The following CTNNA2 variants were observed in gnomAD, a reference collection of about 807,000 sequenced individuals.
The protein encoded by CTNNA2 is catenin alpha-2.
A neutral mutation model predicts 101.0 loss-of-function variants in CTNNA2; 42 were observed. That is an observed-to-expected ratio of 0.42 (90% CI 0.32 to 0.54). The LOEUF is 0.54. Ranked by LOEUF, CTNNA2 falls within the 20% of genes least tolerant of loss-of-function variation. The pLI, the probability that CTNNA2 is intolerant of heterozygous loss-of-function variation, is 0.14. For missense variants in CTNNA2, 871 were observed against 1,223.1 expected (o/e 0.71, Z 4.29); for synonymous variants, 450 against 456.4 (o/e 0.99, Z 0.18).
intron 4 of CTNNA2, among the ~76,000 whole-genome samples, chr2:79,446,087 C>G (rs943132388): frequency 1.1e-4 from 17 of 152,020 alleles, no homozygotes; most frequent in African/African-American, 4.1e-4. Context: ...CAACTACTGA[C>G]AGGGTGTAAT....
chr2:80,141,550 G>A (rs1703011935), intron 7 of CTNNA2, among the ~76,000 whole-genome samples: 1 of 152,086 alleles, frequency 6.6e-6, no homozygotes, highest in Non-Finnish European at 1.5e-5. Flanking sequence ...TCATCTTACA[G>A]AAAGAGCAAG....
intron 7 of CTNNA2, among the ~76,000 whole-genome samples, chr2:80,089,573 TAAAAG>T (rs1699653156): frequency 6.6e-6 from 1 of 151,780 alleles, no homozygotes; most frequent in Non-Finnish European, 1.5e-5. Context: ...CATAGTGAAA[TAAAAG>T]AAACAACAAA....
At chr2:79,999,340 A>G (rs115258573) in intron 7 of CTNNA2, among the ~76,000 whole-genome samples, 1 of 152,184 alleles carries the variant, frequency 6.6e-6, no homozygotes. Context: ...TAGCCACCAT[A>G]GTTGTTTCCT....
intron 7 of CTNNA2, among the ~76,000 whole-genome samples, chr2:80,045,238 T>C (rs1472049150): frequency 6.6e-6 from 1 of 152,196 alleles, no homozygotes; most frequent in East Asian, 1.9e-4. Flanking sequence ...GCAGTCCTAA[T>C]TGTACCCAAG....
intron 3 of CTNNA2, among the ~76,000 whole-genome samples, chr2:79,365,767 T>C (rs1319063276): frequency 6.6e-6 from 1 of 152,180 alleles, no homozygotes; most frequent in Non-Finnish European, 1.5e-5. Context: ...TTCTTTGTGG[T>C]TCTTTCAGCC....
At chr2:80,487,218 T>C (rs1456412927) in intron 9 of CTNNA2, among the ~76,000 whole-genome samples, 5 of 150,244 alleles carry the variant, frequency 3.3e-5, no homozygotes, top group African/African-American at 1.2e-4. Context: ...GAGGCAGAGG[T>C]TGCAGTGAGC....
Position 79,599,952 on chromosome 2 carries a change from A to T in CTNNA2, c.-5-51600A>T, listed in dbSNP as rs182768473. On this transcript the variant is annotated intron_variant, in intron 1 of 18. Transcript: ENST00000402739. ...TTAGGTCTAGAGAAGAAAAGTCTTGAGGGAGTAGAACAGAGAGATTGCAGA... is the reference window on the plus strand; with the variant it reads ...TTAGGTCTAGAGAAGAAAAGTCTTGTGGGAGTAGAACAGAGAGATTGCAGA... Among the ~76,000 whole-genome samples the T allele has an allele frequency of 7.5e-3, 1,145 of 152,272 alleles. 4 individuals are homozygous for T. Among genetic ancestry groups the T allele is most frequent in the Middle Eastern group, 0.024 (7 of 292 alleles).
intron 1 of CTNNA2, among the ~76,000 whole-genome samples, chr2:79,541,258 A>G (rs1400754375): frequency 2.6e-5 from 4 of 151,062 alleles, no homozygotes; most frequent in African/African-American, 9.7e-5. Context: ...TCAAATTCTT[A>G]TTTTACAAAT....
intron 4 of CTNNA2, among the ~76,000 whole-genome samples, chr2:79,402,978 T>C (rs1477730742): frequency 1.3e-5 from 2 of 151,800 alleles, no homozygotes; most frequent in Non-Finnish European, 2.9e-5. Flanking sequence ...ACTTAGAAGA[T>C]AATTTATAGC....
intron 1 of CTNNA2, among the ~76,000 whole-genome samples, chr2:79,589,204 G>A (rs1226848380): frequency 6.6e-6 from 1 of 152,148 alleles, no homozygotes; most frequent in Non-Finnish European, 1.5e-5. Context: ...ATCTAAGGCC[G>A]TGCCACCAGC....
At chr2:79,881,831 G>C (rs543782481) in intron 6 of CTNNA2, among the ~76,000 whole-genome samples, 36 of 149,984 alleles carry the variant, frequency 2.4e-4, no homozygotes, top group African/African-American at 8.1e-4. Context: ...TGTTATGTGT[G>C]AATCTGATCC....
intron 1 of CTNNA2, among the ~76,000 whole-genome samples, chr2:79,613,138 T>C (rs1678391920): frequency 6.7e-6 from 1 of 148,224 alleles, no homozygotes; most frequent in African/African-American, 2.5e-5. Context: ...TCACCATTAG[T>C]ATGTTTACAG....
At chr2:79,717,778 G>A (rs1686202622) in intron 2 of CTNNA2, among the ~76,000 whole-genome samples, 1 of 152,156 alleles carries the variant, frequency 6.6e-6, no homozygotes, top group Non-Finnish European at 1.5e-5. Flanking sequence ...AGCAGGCCAG[G>A]GGGTAGGGCC....
At chr2:80,307,948 A>G (rs1273365326) in intron 7 of CTNNA2, among the ~76,000 whole-genome samples, 1 of 152,244 alleles carries the variant, frequency 6.6e-6, no homozygotes, top group East Asian at 1.9e-4. Flanking sequence ...CTGATGGCCA[A>G]ACATAATCTG....
chr2:79,335,317 A>G (rs1421966613), intron 3 of CTNNA2, among the ~76,000 whole-genome samples: 3 of 152,218 alleles, frequency 2.0e-5, no homozygotes, highest in Non-Finnish European at 2.9e-5. Flanking sequence ...TCACCTAAAG[A>G]GAACAATACC....
chr2:80,478,796 G>A (rs769249153), intron 9 of CTNNA2, among the ~76,000 whole-genome samples: 12 of 151,964 alleles, frequency 7.9e-5, no homozygotes, highest in Non-Finnish European at 1.0e-4. Flanking sequence ...ATAATTTGAC[G>A]TAATTAGGTG....
intron 7 of CTNNA2, among the ~76,000 whole-genome samples, chr2:80,173,922 C>G (rs1248627357): frequency 3.3e-5 from 5 of 152,234 alleles, no homozygotes; most frequent in African/African-American, 1.2e-4. Flanking sequence ...AGAAAAGACT[C>G]TTCTTCTCTC....
intron 3 of CTNNA2, among the ~76,000 whole-genome samples, chr2:79,818,265 A>G (rs1163770568): frequency 4.6e-5 from 7 of 152,108 alleles, no homozygotes; most frequent in Admixed American, 3.3e-4. Context: ...TATTATAATT[A>G]GCATATTTGT....
intron 3 of CTNNA2, among the ~76,000 whole-genome samples, chr2:79,747,495 A>AT (rs1235500177): frequency 6.6e-6 from 1 of 152,186 alleles, no homozygotes; most frequent in Non-Finnish European, 1.5e-5. Flanking sequence ...GAGTGGTTTG[A>AT]TTGGCCCCGG....
Sources: allele counts gnomAD v4.1 joint callset (sites outside exome capture counted in the v4.1 genomes callset), GRCh38; gene constraint gnomAD v4.1.1; transcripts MANE v1.5; gene names NCBI Gene and HGNC (gene_info 2026-07-23, HGNC 2026-07-21).